FSIP1: variants seen among roughly 807,000 people sequenced by gnomAD.
FSIP1 encodes fibrous sheath interacting protein 1.
In FSIP1, 65 loss-of-function variants were observed where a neutral mutation model predicts 60.9. The ratio of observed to expected loss-of-function variants is 1.07; its 90% CI spans 0.87 to 1.31. FSIP1 has a LOEUF of 1.31. Among genes scored for constraint, FSIP1 ranks in the 40% most tolerant of loss-of-function variants. The pLI, the probability that FSIP1 is intolerant of heterozygous loss-of-function variation, is 0.00. For synonymous variants in FSIP1, 209 were observed against 221.2 expected, an observed-to-expected ratio of 0.94 and a Z score of 0.49; for missense variants, 675 against 665.5, an observed-to-expected ratio of 1.01 and a Z score of -0.16.
At chr15:39,703,070 C>T (rs2140528036) in intron 10 of FSIP1, among the ~76,000 whole-genome samples, 1 of 151,946 alleles carries the variant, frequency 6.6e-6, no homozygotes, top group Non-Finnish European at 1.5e-5. Context: ...GCAACCTCCC[C>T]CTCCCGGGTT....
At chr15:39,702,076 T>C (rs916775222) in intron 10 of FSIP1, among the ~76,000 whole-genome samples, 1 of 152,118 alleles carries the variant, frequency 6.6e-6, no homozygotes, top group African/African-American at 2.4e-5. Flanking sequence ...CATGGGGGAC[T>C]TCTCTTTTCC....
chr15:39,607,494 T>C (rs1358934084), intron 11 of FSIP1, among the ~76,000 whole-genome samples: 3 of 152,208 alleles, frequency 2.0e-5, no homozygotes, highest in Non-Finnish European at 4.4e-5. Context: ...CAGTAACTAG[T>C]GAGTACAATG....
chr15:39,749,263 C>CAAAAAAAAAAAAAAACAAAA (rs3065148), intron 5 of FSIP1, among the ~76,000 whole-genome samples: 1 of 98,326 alleles, frequency 1.0e-5, no homozygotes, highest in Non-Finnish European at 2.0e-5. Context: ...TAAACTCTTC[C>CAAAAAAAAAAAAAAACAAAA]AAAAAAAAAA....
At chr15:39,746,685 T>C in intron 5 of FSIP1, among the ~76,000 whole-genome samples, 1 of 152,052 alleles carries the variant, frequency 6.6e-6, no homozygotes, top group East Asian at 1.9e-4. Flanking sequence ...AAAATAACTA[T>C]AAAAAAATCA....
intron 10 of FSIP1, among the ~76,000 whole-genome samples, chr15:39,633,719 A>T (rs985034305): frequency 2.6e-5 from 4 of 152,236 alleles, no homozygotes; most frequent in Non-Finnish European, 5.9e-5. Flanking sequence ...AACTGAAGCC[A>T]TCACATACTA....
chr15:39,671,622 C>T (rs1893724356), intron 10 of FSIP1, among the ~76,000 whole-genome samples: 1 of 152,184 alleles, frequency 6.6e-6, no homozygotes, highest in Non-Finnish European at 1.5e-5. Flanking sequence ...CAACAGAGAT[C>T]TCTTGTGCTT....
intron 10 of FSIP1, among the ~76,000 whole-genome samples, chr15:39,650,574 T>G (rs1382435059): frequency 1.3e-5 from 2 of 152,198 alleles, no homozygotes; most frequent in African/African-American, 4.8e-5. Context: ...CAATGGATCT[T>G]TGATGGCTGA....
At chr15:39,739,153 A>G (rs1476620001) in intron 7 of FSIP1, among the ~76,000 whole-genome samples, 1 of 152,212 alleles carries the variant, frequency 6.6e-6, no homozygotes, top group Non-Finnish European at 1.5e-5. Flanking sequence ...AGGTGCTTGA[A>G]GCAGAAGCTA....
At chr15:39,695,828 A>T (rs1050107363) in intron 10 of FSIP1, among the ~76,000 whole-genome samples, 3 of 152,244 alleles carry the variant, frequency 2.0e-5, no homozygotes, top group Admixed American at 1.3e-4. Flanking sequence ...ATTCAATTCA[A>T]ATATTAAAAG....
At chr15:39,727,857 G>A (rs1319402326) in intron 8 of FSIP1, among the ~76,000 whole-genome samples, 2 of 152,110 alleles carry the variant, frequency 1.3e-5, no homozygotes, top group Admixed American at 1.3e-4. Flanking sequence ...ATCTCTGTTT[G>A]CAGACAACAT....
intron 5 of FSIP1, among the ~76,000 whole-genome samples, chr15:39,750,817 T>C (rs934029301): frequency 1.6e-4 from 24 of 151,812 alleles, no homozygotes; most frequent in African/African-American, 5.8e-4. Context: ...AGGTTCTGCC[T>C]AGCAAAGGAA....
At chr15:39,743,435 G>GAA (rs11417887) in intron 5 of FSIP1, among the ~76,000 whole-genome samples, 1 of 146,748 alleles carries the variant, frequency 6.8e-6, no homozygotes, top group African/African-American at 2.5e-5. Context: ...ACCCTTGGAG[G>GAA]AAAAAAAAAA....
intron 4 of FSIP1, 31 bp from the exon 5 acceptor site, chr15:39,763,945 G>T: frequency 9.0e-7 from 1 of 1,116,016 alleles, no homozygotes; most frequent in East Asian, 2.4e-5. Context: ...ATTTAAACAT[G>T]GGAAAAGAAG....
intron 10 of FSIP1, among the ~76,000 whole-genome samples, chr15:39,627,279 G>A (rs151202006): frequency 9.8e-5 from 15 of 152,340 alleles, no homozygotes; most frequent in African/African-American, 3.4e-4. Flanking sequence ...TCTCACAGGT[G>A]TAGACCTGGA....
At chr15:39,607,998 C>T (rs544073774) in intron 11 of FSIP1, among the ~76,000 whole-genome samples, 37 of 152,272 alleles carry the variant, frequency 2.4e-4, no homozygotes, top group Non-Finnish European at 4.4e-4. Context: ...TTGATGCACA[C>T]TTTTGTAGAA....
At chr15:39,689,578 G>A (rs989709589) in intron 10 of FSIP1, among the ~76,000 whole-genome samples, 6 of 152,102 alleles carry the variant, frequency 3.9e-5, no homozygotes, top group Admixed American at 6.5e-5. Context: ...GTCAGGAACC[G>A]AAGACCAAGA....
At chr15:39,610,537 G>A (rs146925510) in intron 11 of FSIP1, among the ~76,000 whole-genome samples, 115 of 152,272 alleles carry the variant, frequency 7.6e-4, no homozygotes, top group Non-Finnish European at 1.4e-3. Flanking sequence ...ATGGTGGTGC[G>A]TGCCTGCAGT....
chr15:39,693,492 G>A lies in FSIP1; in HGVS notation c.1188+19952C>T, dbSNP rs144947303. 3.5e-3 allele frequency among the ~76,000 whole-genome samples: 538 copies of A among 152,266 alleles called. 3 individuals are homozygous for A. Among genetic ancestry groups the A allele is most frequent in the African/African-American group, 0.012 (509 of 41,554 alleles). ...TCTCTGCGAAGGAATCAAGCTGAACGCATGGTTGTTGACCTGTCCCTATAT... is the reference window on the plus strand; with the variant it reads ...TCTCTGCGAAGGAATCAAGCTGAACACATGGTTGTTGACCTGTCCCTATAT... On this transcript the variant is annotated intron_variant, in intron 10 of 11. Coordinates refer to ENST00000350221, the MANE Select transcript of FSIP1 (RefSeq NM_152597.5).
chr15:39,706,050 G>A (rs1003997193), intron 10 of FSIP1, among the ~76,000 whole-genome samples: 2 of 150,918 alleles, frequency 1.3e-5, no homozygotes, highest in East Asian at 3.9e-4. Flanking sequence ...CAAAGTCCAC[G>A]TACTTGTCAT....
Sources: allele counts gnomAD v4.1 joint callset (sites outside exome capture counted in the v4.1 genomes callset), GRCh38; gene constraint gnomAD v4.1.1; transcripts MANE v1.5; gene names NCBI Gene and HGNC (gene_info 2026-07-23, HGNC 2026-07-21).